TAF3: variants seen among roughly 807,000 people sequenced by gnomAD.
The protein encoded by TAF3 is transcription initiation factor TFIID subunit 3.
TAF3 carries 7 observed loss-of-function variants against 80.6 expected under a neutral mutation model. The observed-to-expected ratio is 0.09, with a 90% confidence interval of 0.05 to 0.16. The LOEUF (loss-of-function observed/expected upper bound fraction) is 0.16, where lower values mean the gene tolerates loss of function less well. Ranked by LOEUF, TAF3 falls within the 10% of genes least tolerant of loss-of-function variation. The pLI is 1.00. For missense variants in TAF3, 921 were observed against 1,140.2 expected, an observed-to-expected ratio of 0.81 and a Z score of 2.77; for synonymous variants, 444 against 446.1, an observed-to-expected ratio of 1.00 and a Z score of 0.06.
chr10:7,965,647 GA>G lies in TAF3; in HGVS notation c.2142del (p.Glu715ArgfsTer31). The G allele has an allele frequency of 6.3e-7, 1 of 1,587,644 alleles. No homozygotes were observed. The highest frequency in any genetic ancestry group is 1.8e-5 in the Admixed American group (1 of 55,832). On this transcript the variant is annotated frameshift_variant, in exon 3 of 7. Coordinates refer to ENST00000344293, the MANE Select transcript of TAF3 (RefSeq NM_031923.4). LOFTEE classifies it high-confidence loss of function. ...CAAAAAGGAGAAGAAGAAAAAGAAG[GA>G]AAAAGAGAAGGAGAAGAAGGAGAAG... is the stretch of plus-strand genomic sequence containing the variant. ...KDKKEKKKKK[E>X]KEKEKKEKER... is the part of the protein sequence containing the mutation.
intron 3 of TAF3, 41 bp from the exon 4 acceptor site, chr10:7,977,200 T>C: frequency 1.9e-6 from 3 of 1,600,820 alleles, no homozygotes; most frequent in Non-Finnish European, 2.6e-6. Flanking sequence ...GGTACTTTTG[T>C]TGAAAAACCA....
chr10:7,920,243 A>G (rs952611253), intron 2 of TAF3, among the ~76,000 whole-genome samples: 8 of 151,754 alleles, frequency 5.3e-5, no homozygotes, highest in Admixed American at 6.6e-5. Flanking sequence ...GACAAAATTT[A>G]TTTCTTGAGT....
At chr10:7,873,120 TTC>T (rs1284008395) in intron 2 of TAF3, among the ~76,000 whole-genome samples, 1 of 152,198 alleles carries the variant, frequency 6.6e-6, no homozygotes, top group Non-Finnish European at 1.5e-5. Context: ...TATAATTAAT[TTC>T]ATTCTGTGCT....
chr10:7,828,223 A>G (rs951343793), intron 2 of TAF3, among the ~76,000 whole-genome samples: 6 of 152,114 alleles, frequency 3.9e-5, no homozygotes, highest in African/African-American at 1.4e-4. Flanking sequence ...CAGCCTGGGC[A>G]ACATAGCAGG....
chr10:7,986,684 T>G (rs1034824263), intron 4 of TAF3, among the ~76,000 whole-genome samples: 3 of 152,180 alleles, frequency 2.0e-5, no homozygotes, highest in Admixed American at 6.5e-5. Context: ...GGCTGTCTCC[T>G]CCTTGTCTAG....
At chr10:7,829,430 C>T (rs1177782567) in intron 2 of TAF3, among the ~76,000 whole-genome samples, 2 of 152,158 alleles carry the variant, frequency 1.3e-5, no homozygotes, top group South Asian at 2.1e-4. Context: ...TTGGTTGTCA[C>T]GTCTCCTTAG....
At chr10:7,989,406 G>A (rs144434122) in intron 4 of TAF3, among the ~76,000 whole-genome samples, 52 of 152,332 alleles carry the variant, frequency 3.4e-4, no homozygotes, top group Middle Eastern at 6.8e-3. Context: ...AATGCTGGAA[G>A]CCATTGGGTT....
chr10:7,924,209 A>G (rs186249519), intron 2 of TAF3, among the ~76,000 whole-genome samples: 92 of 152,324 alleles, frequency 6.0e-4, no homozygotes, highest in African/African-American at 2.1e-3. Flanking sequence ...GTGAGGGAGA[A>G]ATGGAAAGCC....
chr10:7,897,267 G>A lies in TAF3; in HGVS notation c.410-66653G>A, dbSNP rs186197495. Among the ~76,000 whole-genome samples, 225 of 152,230 alleles carry A rather than the reference G, an allele frequency of 1.5e-3. 3 individuals carry two copies. Among genetic ancestry groups the A allele is most frequent in the Non-Finnish European group, 7.4e-4 (50 of 67,996 alleles). On this transcript the variant is annotated intron_variant, in intron 2 of 6. Transcript: ENST00000344293. ...CACACTTAAGCCAGGTCGCCGGGGG[G>A]TCACTTTTATCATTCTGGCTACCAC... is the stretch of plus-strand genomic sequence containing the variant.
At chr10:7,938,968 T>G (rs2388431) in intron 2 of TAF3, among the ~76,000 whole-genome samples, 86,526 of 151,866 alleles carry the variant, frequency 0.57, 25,677 homozygotes, top group East Asian at 0.71. Flanking sequence ...GTAAGGATAA[T>G]AGAGCAAGGG....
chr10:7,918,616 A>G (rs956403165), intron 2 of TAF3, among the ~76,000 whole-genome samples: 1 of 152,130 alleles, frequency 6.6e-6, no homozygotes, highest in Admixed American at 6.5e-5. Flanking sequence ...CGGATGCACC[A>G]GGGGGCAGGC....
chr10:7,827,397 G>A (rs768057300), intron 2 of TAF3, among the ~76,000 whole-genome samples: 1 of 152,142 alleles, frequency 6.6e-6, no homozygotes, highest in Non-Finnish European at 1.5e-5. Context: ...TGGGCCAGGT[G>A]TGATGGCTTA....
At chr10:7,886,454 T>C (rs1002029326) in intron 2 of TAF3, among the ~76,000 whole-genome samples, 1 of 152,264 alleles carries the variant, frequency 6.6e-6, no homozygotes, top group Non-Finnish European at 1.5e-5. Flanking sequence ...TATTTTTTTC[T>C]TTACACAAAA....
intron 2 of TAF3, among the ~76,000 whole-genome samples, chr10:7,835,461 C>T (rs766203867): frequency 6.6e-6 from 1 of 152,170 alleles, no homozygotes; most frequent in African/African-American, 2.4e-5. Context: ...TTTCCTCCAC[C>T]ACTTTTACCT....
In TAF3 at chr10:7,918,223, G is replaced by A. The variant is rs1043970744; in HGVS notation, c.410-45697G>A. Among the ~76,000 whole-genome samples, 5 of 152,136 alleles carry A rather than the reference G, an allele frequency of 3.3e-5. No individual in the cohort carries two copies. In the South Asian group the frequency reaches 6.2e-4, roughly 19 times the overall value. ...TGGGAGTGGGGAAAGGAGAAGGGGC[G>A]TGATGAAGGTTTGAAGAGAGACGAG... On this transcript the variant is annotated intron_variant, in intron 2 of 6. Transcript: ENST00000344293.
At position 7,913,382 on chromosome 10, in the gene TAF3, A is replaced by C. The variant is rs11255439; in HGVS notation, c.410-50538A>C. Reference sequence around the variant, plus strand: ...TCACACAGCAGCCACTCCAGCTCTCATTCGCCCAGGCTTGATCCAGGCAAT... The same window carrying C: ...TCACACAGCAGCCACTCCAGCTCTCCTTCGCCCAGGCTTGATCCAGGCAAT... On this transcript the variant is annotated intron_variant, in intron 2 of 6. Transcript: ENST00000344293. Among the ~76,000 whole-genome samples the C allele has an allele frequency of 2.7e-3, 412 of 152,300 alleles. 2 individuals are homozygous for C. Among genetic ancestry groups the C allele is most frequent in the African/African-American group, 9.3e-3 (388 of 41,542 alleles).
intron 4 of TAF3, among the ~76,000 whole-genome samples, chr10:7,999,342 G>A (rs76007192): frequency 0.03 from 4,584 of 151,078 alleles, 100 homozygotes; most frequent in African/African-American, 0.055. Context: ...CACACAACTG[G>A]GACACAAAGC....
chr10:7,938,281 C>T (rs936607762), intron 2 of TAF3, among the ~76,000 whole-genome samples: 2 of 152,184 alleles, frequency 1.3e-5, no homozygotes, highest in South Asian at 2.1e-4. Flanking sequence ...GATAAGAAGA[C>T]AGCATTGGCA....
In TAF3 at chr10:7,824,556, A is replaced by G. The variant is rs766243065; in HGVS notation, c.405A>G (p.Gln135=). 10 of 1,613,760 alleles carry G rather than the reference A, an allele frequency of 6.2e-6. No individual in the cohort carries two copies. The African/African-American group carries it at 9.3e-5, about 15-fold the overall frequency. ...ACCTGCCACCCATTGTGTCTTCTCAAGAAGGTTTGTGAGTGTTTCTTCTTC... is the reference window on the plus strand; with the variant it reads ...ACCTGCCACCCATTGTGTCTTCTCAGGAAGGTTTGTGAGTGTTTCTTCTTC... The part of the protein sequence containing the change: ...PDYLPPIVSS[Q]EEEEEEQVPT... Residue 135 remains glutamine (Q), a synonymous_variant, in exon 2 of 7, where the codon CAA becomes CAG. Transcript: ENST00000344293.
Sources: allele counts gnomAD v4.1 joint callset (sites outside exome capture counted in the v4.1 genomes callset), GRCh38; gene constraint gnomAD v4.1.1; transcripts MANE v1.5; gene names NCBI Gene and HGNC (gene_info 2026-07-23, HGNC 2026-07-21).